BATF3: variants seen among roughly 807,000 people sequenced by gnomAD.
BATF3 encodes the protein basic leucine zipper ATF-like transcription factor 3.
Under a neutral mutation model 16.1 loss-of-function variants are expected in BATF3, and 8 were observed. That is an observed-to-expected ratio of 0.50 (90% CI 0.29 to 0.90). The LOEUF is 0.90. Ranked by LOEUF, BATF3 falls within the 40% of genes least tolerant of loss-of-function variation. BATF3 has a pLI of 0.08. For synonymous variants in BATF3, 74 were observed against 72.7 expected (o/e 1.02, Z -0.09); for missense variants, 139 against 167.0 (o/e 0.83, Z 0.92).
At chr1:212,696,727 G>A (rs1328181936) in intron 2 of BATF3, among the ~76,000 whole-genome samples, 2 of 152,152 alleles carry the variant, frequency 1.3e-5, no homozygotes, top group Non-Finnish European at 2.9e-5. Context: ...GTCCAGAAGA[G>A]GCTCTGTTTT....
At chr1:212,694,369 G>C (rs1186486764) in intron 2 of BATF3, among the ~76,000 whole-genome samples, 2 of 151,814 alleles carry the variant, frequency 1.3e-5, no homozygotes, top group Non-Finnish European at 2.9e-5. Flanking sequence ...TCCTTTCCTT[G>C]GGAAATTCTA....
intron 2 of BATF3, among the ~76,000 whole-genome samples, chr1:212,695,508 A>C (rs1319713772): frequency 1.3e-5 from 2 of 150,628 alleles, no homozygotes; most frequent in Admixed American, 1.3e-4. Context: ...AAAAAAAAAA[A>C]AAAAAAAAAC....
intron 2 of BATF3, among the ~76,000 whole-genome samples, chr1:212,695,334 A>T (rs997360174): frequency 6.6e-6 from 1 of 151,842 alleles, no homozygotes; most frequent in African/African-American, 2.4e-5. Flanking sequence ...CTCTACTAAA[A>T]ATACGAAAAA....
chr1:212,693,001 T>A (rs897044586), intron 2 of BATF3, among the ~76,000 whole-genome samples: 1 of 152,138 alleles, frequency 6.6e-6, no homozygotes, highest in African/African-American at 2.4e-5. Flanking sequence ...GAGGTTCCTA[T>A]GCATGGTGTC....
At position 212,699,694 on chromosome 1, in the gene BATF3, C is replaced by T. The variant is rs1312439968; in HGVS notation, c.69G>A (p.Pro23=). The T allele has an allele frequency of 2.2e-6, 3 of 1,349,890 alleles. No homozygotes were observed. The highest frequency in any genetic ancestry group is 3.1e-5 in the East Asian group (1 of 32,160). 83.6% of individuals were successfully genotyped at this position (1,349,890 alleles called of 1,614,324 possible). The change falls in exon 1 of 3, where the codon CCG becomes CCA. Residue 23 remains proline (P), a synonymous_variant. Transcript: ENST00000243440. This position sits in a 1 kb window ranked among gnomAD's most constrained non-coding sequence, Gnocchi z 4.4. ...CTACCTGCTGCTGCGGCTGCGGCTG[C>T]GGCTGGTTCCCGGGCGCCGCGACGC... ...QRSVAAPGNQ[P]QPQPQQQSPE...
intron 2 of BATF3, among the ~76,000 whole-genome samples, chr1:212,695,255 G>T (rs1385986182): frequency 1.3e-5 from 2 of 152,124 alleles, no homozygotes; most frequent in Non-Finnish European, 2.9e-5. Context: ...CAACACTTGG[G>T]AGGCCGAGGC....
intron 2 of BATF3, among the ~76,000 whole-genome samples, chr1:212,692,127 C>T (rs1190743888): frequency 6.6e-6 from 1 of 152,220 alleles, no homozygotes; most frequent in Non-Finnish European, 1.5e-5. Context: ...TTCTCCCCTC[C>T]ACAGAGGGCT....
chr1:212,688,412 C>T (rs1400584993), intron 2 of BATF3, among the ~76,000 whole-genome samples: 1 of 152,250 alleles, frequency 6.6e-6, no homozygotes, highest in Non-Finnish European at 1.5e-5. Context: ...GCTGAGGATT[C>T]TCTCTGAGCC....
At chr1:212,697,661 C>A (rs1020413019) in intron 1 of BATF3, 1 of 152,240 alleles carries the variant, frequency 6.6e-6, no homozygotes. Context: ...CTCATTTGAA[C>A]AATGCTTGGC....
chr1:212,692,427 T>G (rs954923292), intron 2 of BATF3, among the ~76,000 whole-genome samples: 3 of 151,926 alleles, frequency 2.0e-5, no homozygotes, highest in African/African-American at 7.3e-5. Flanking sequence ...GGCTCAAGTA[T>G]AGGTAGAGTA....
At chr1:212,695,910 T>G (rs1657115468) in intron 2 of BATF3, among the ~76,000 whole-genome samples, 2 of 152,150 alleles carry the variant, frequency 1.3e-5, no homozygotes. Context: ...TTCGCTCCAT[T>G]AACTGCAGTT....
At chr1:212,696,887 A>T in intron 2 of BATF3, 74 bp downstream of exon 2, 1 of 1,070,994 alleles carries the variant, frequency 9.3e-7, no homozygotes, top group Non-Finnish European at 1.4e-6. Flanking sequence ...TAAAGAGAAC[A>T]GTCATCACCC....
chr1:212,695,056 C>T (rs1003366842), intron 2 of BATF3, among the ~76,000 whole-genome samples: 1 of 152,214 alleles, frequency 6.6e-6, no homozygotes, highest in Non-Finnish European at 1.5e-5. Context: ...CCCAGAATGG[C>T]CTTGCTGAGA....
chr1:212,693,484 G>T (rs576133501), intron 2 of BATF3, among the ~76,000 whole-genome samples: 1 of 152,214 alleles, frequency 6.6e-6, no homozygotes. Flanking sequence ...TGATCTGCCA[G>T]TGGAGAGTAA....
rs910374253 is a variant in BATF3 at position 212,689,145 on chromosome 1, C to G, written c.196-2166G>C. Among the ~76,000 whole-genome samples, 2 of 152,138 alleles carry G rather than the reference C, an allele frequency of 1.3e-5. No individual in the cohort carries two copies. The highest frequency in any genetic ancestry group is 6.6e-5 in the Admixed American group (1 of 15,266). The stretch of plus-strand genomic sequence containing the variant: ...CAATTTCACTCATATGAAGTAATGT[C>G]TCCCCCCAAAGATCAGAAATGTAAA... On this transcript the variant is annotated intron_variant, in intron 2 of 2. Coordinates refer to ENST00000243440, the MANE Select transcript of BATF3 (RefSeq NM_018664.3). This position sits in a 1 kb window ranked among gnomAD's most constrained non-coding sequence, Gnocchi z 4.6.
intron 2 of BATF3, among the ~76,000 whole-genome samples, chr1:212,688,001 A>AAAGAAAGAT (rs1656894085): frequency 4.0e-5 from 4 of 99,594 alleles, no homozygotes; most frequent in African/African-American, 1.5e-4. Flanking sequence ...GAAAGAAAGG[A>AAAGAAAGAT]AGGAAGGAAG....
intron 2 of BATF3, 29 bp downstream of exon 2, chr1:212,696,932 A>C: frequency 2.5e-6 from 4 of 1,569,214 alleles, no homozygotes; most frequent in Non-Finnish European, 3.5e-6. Flanking sequence ...GTGTGGCTCT[A>C]AGGTGGCTTG....
chr1:212,690,931 T>C (rs1171787773), intron 2 of BATF3, among the ~76,000 whole-genome samples: 1 of 152,206 alleles, frequency 6.6e-6, no homozygotes, highest in Admixed American at 6.5e-5. Flanking sequence ...TGGCAGTGTA[T>C]GGAGACAGTT....
rs1029788423 is a variant in BATF3, at chr1:212,686,948, A to G, written c.227T>C (p.Met76Thr). The change falls in exon 3 of 3, where the codon ATG (methionine) becomes ACG (threonine). Residue 76 changes from methionine to threonine, a missense_variant. Physicochemically the swap from Met to Thr is moderately conservative, Grantham distance 81. Transcript: ENST00000243440. ...EYESLEQENT[M>T]LRREIGKLTE... Reference sequence around the variant, plus strand: ...CAGCTTCCCGATCTCTCTCCGCAGCATGGTGTTTTCTTGCTCCAGGCTCTC... The same window carrying G: ...CAGCTTCCCGATCTCTCTCCGCAGCGTGGTGTTTTCTTGCTCCAGGCTCTC... 6.2e-7 allele frequency: 1 copy of G among 1,612,116 alleles called. No homozygotes were observed. The highest frequency in any genetic ancestry group is 1.3e-5 in the African/African-American group (1 of 74,896).
Sources: gnomAD v4.1 joint callset for allele counts (sites outside exome capture counted in the v4.1 genomes callset) on GRCh38, gnomAD v4.1.1 for gene constraint, Gnocchi (gnomAD v3.1) non-coding constraint, MANE v1.5 for transcripts, NCBI Gene and HGNC (gene_info 2026-07-23, HGNC 2026-07-21) for gene names.